The following AKR1C8 variants were observed in gnomAD, a reference collection of about 807,000 sequenced individuals.
The protein encoded by AKR1C8 is aldo-keto reductase family 1 member C-like protein 1.
chr10:5,134,479 C>A, the AKR1C8 span, among the ~76,000 whole-genome samples: 6 of 152,252 alleles, frequency 3.9e-5, no homozygotes, highest in East Asian at 5.8e-4. Flanking sequence ...TGTCAGGGGA[C>A]CATCCATACC....
chr10:5,180,553 T>C, the AKR1C8 span, among the ~76,000 whole-genome samples: 1 of 152,192 alleles, frequency 6.6e-6, no homozygotes, highest in Non-Finnish European at 1.5e-5. Flanking sequence ...TGCTGTCTTT[T>C]TGTTTGTCTG....
the AKR1C8 span, among the ~76,000 whole-genome samples, chr10:5,137,806 C>A: frequency 2.4e-4 from 37 of 152,084 alleles, no homozygotes; most frequent in Admixed American, 2.6e-4. Context: ...CATCACATAT[C>A]AGTAGGACCG....
chr10:5,138,357 C>T, the AKR1C8 span, among the ~76,000 whole-genome samples: 3 of 152,086 alleles, frequency 2.0e-5, no homozygotes, highest in Non-Finnish European at 4.4e-5. Flanking sequence ...GATATCTTCC[C>T]TACTTGCACG....
chr10:5,130,435 G>A, the AKR1C8 span, among the ~76,000 whole-genome samples: 13 of 151,730 alleles, frequency 8.6e-5, no homozygotes, highest in Admixed American at 2.6e-4. Flanking sequence ...GAGAAATCAA[G>A]AAAGAAAAAG....
At chr10:5,160,537 A>G in the AKR1C8 span, among the ~76,000 whole-genome samples, 6 of 152,120 alleles carry the variant, frequency 3.9e-5, no homozygotes, top group Non-Finnish European at 5.9e-5. Context: ...GTGCTTCTCT[A>G]TGCTGACCCC....
At chr10:5,143,062 T>C in the AKR1C8 span, among the ~76,000 whole-genome samples, 1 of 152,132 alleles carries the variant, frequency 6.6e-6, no homozygotes, top group Non-Finnish European at 1.5e-5. Flanking sequence ...TTAAGCAGTA[T>C]GCCAATACAT....
chr10:5,162,984 C>A, the AKR1C8 span: 6 of 534,326 alleles, frequency 1.1e-5, no homozygotes, highest in Non-Finnish European at 2.3e-5. Context: ...ACGTCAATAG[C>A]CACTTTGGTG....
At chr10:5,179,669 T>TCTTCA in the AKR1C8 span, among the ~76,000 whole-genome samples, 13 of 800 alleles carry the variant, frequency 0.016, no homozygotes, top group Admixed American at 0.14. Flanking sequence ...TTGGAGGCTT[T>TCTTCA]GTTCTTTTTA....
At chr10:5,124,528 T>A in the AKR1C8 span, among the ~76,000 whole-genome samples, 1 of 152,056 alleles carries the variant, frequency 6.6e-6, no homozygotes, top group African/African-American at 2.4e-5. Flanking sequence ...TAGTTAAAAT[T>A]GAAAGTAATT....
chr10:5,132,791 G>A, the AKR1C8 span: 1 of 1,102,368 alleles, frequency 9.1e-7, no homozygotes, highest in Non-Finnish European at 1.3e-6. Flanking sequence ...ATGAAAAGTA[G>A]TATTTGGTGA....
At chr10:5,122,130 G>A in the AKR1C8 span, 2 of 388,442 alleles carry the variant, frequency 5.1e-6, no homozygotes, top group Admixed American at 3.0e-5. Context: ...GCTGTCAATG[G>A]CTTTCATGTC....
chr10:5,155,991 A>C, the AKR1C8 span, among the ~76,000 whole-genome samples: 1 of 152,168 alleles, frequency 6.6e-6, no homozygotes, highest in South Asian at 2.1e-4. Flanking sequence ...TTCTCAAAAG[A>C]AAGGTGTGCA....
chr10:5,175,537 T>C, the AKR1C8 span, among the ~76,000 whole-genome samples: 6 of 152,340 alleles, frequency 3.9e-5, no homozygotes, highest in Middle Eastern at 0.014. Context: ...TCTAGATCCC[T>C]GAGGAATCGC....
At chr10:5,169,792 T>C in the AKR1C8 span, among the ~76,000 whole-genome samples, 2 of 152,174 alleles carry the variant, frequency 1.3e-5, no homozygotes, top group Non-Finnish European at 2.9e-5. Context: ...AGTTGTAATA[T>C]TTAGCTTAAA....
the AKR1C8 span, among the ~76,000 whole-genome samples, chr10:5,170,992 C>A: frequency 4.6e-5 from 7 of 152,178 alleles, no homozygotes; most frequent in African/African-American, 1.7e-4. Flanking sequence ...AGAAAAATGT[C>A]TTTCACTTTG....
the AKR1C8 span, among the ~76,000 whole-genome samples, chr10:5,181,186 A>G: frequency 1.3e-5 from 2 of 152,248 alleles, no homozygotes; most frequent in Non-Finnish European, 2.9e-5. Flanking sequence ...TGTATAAAGA[A>G]TTATTAAAGG....
chr10:5,167,676 G>C, the AKR1C8 span, among the ~76,000 whole-genome samples: 1 of 152,042 alleles, frequency 6.6e-6, no homozygotes, highest in Non-Finnish European at 1.5e-5. Flanking sequence ...TATACCTAAT[G>C]TTAAATGACT....
the AKR1C8 span, among the ~76,000 whole-genome samples, chr10:5,140,468 T>C: frequency 6.6e-6 from 1 of 151,964 alleles, no homozygotes; most frequent in South Asian, 2.1e-4. Context: ...TATGCAGCCA[T>C]AAAAAAGGAT....
chr10:5,123,405 G>A, the AKR1C8 span: 4 of 357,012 alleles, frequency 1.1e-5, no homozygotes, highest in African/African-American at 2.1e-5. Flanking sequence ...CAAATAACTG[G>A]GTCCTCCAAA....
Sources: gnomAD v4.1 joint callset for allele counts (sites outside exome capture counted in the v4.1 genomes callset) on GRCh38, gnomAD v4.1.1 for gene constraint, MANE v1.5 for transcripts, NCBI Gene and HGNC (gene_info 2026-07-23, HGNC 2026-07-21) for gene names.